The following PDXDC1 variants were observed in gnomAD, a reference collection of about 807,000 sequenced individuals.
The protein encoded by PDXDC1 is pyridoxal-dependent decarboxylase domain-containing protein 1.
A neutral mutation model predicts 100.1 loss-of-function variants in PDXDC1; 42 were observed. That is an observed-to-expected ratio of 0.42 (90% CI 0.33 to 0.54). The LOEUF (loss-of-function observed/expected upper bound fraction) is 0.54, where lower values mean the gene tolerates loss of function less well. Ranked by LOEUF, PDXDC1 falls within the 20% of genes least tolerant of loss-of-function variation. The pLI, the probability that PDXDC1 is intolerant of heterozygous loss-of-function variation, is 0.10. For synonymous variants in PDXDC1, 260 were observed against 371.7 expected (o/e 0.70, Z 3.46); for missense variants, 636 against 979.2 (o/e 0.65, Z 4.68).
rs550554839 is a variant in PDXDC1, at chr16:15,034,158, C to T, written c.1813-128C>T. On this transcript the variant is annotated intron_variant, in intron 19 of 22. Transcript: ENST00000396410. Reference sequence around the variant, plus strand: ...TGTCTTTGAGTTTCTGTTCGTTTTACGCCGGCTTTTCAATGCAGGATTTCA... The same window carrying T: ...TGTCTTTGAGTTTCTGTTCGTTTTATGCCGGCTTTTCAATGCAGGATTTCA... 9.3e-5 allele frequency: 68 copies of T among 732,620 alleles called. 1 individual carries two copies. The highest frequency in any genetic ancestry group is 4.9e-4 in the South Asian group (29 of 59,358). 45.4% of individuals were successfully genotyped at this position (732,620 alleles called of 1,614,324 possible).
rs547858713 is a variant in PDXDC1, at chr16:14,986,818, C to A, written c.22-10935C>A. Reference sequence around the variant, plus strand: ...CTAGAGTGCAGTGGCGCGTTCTTGGCTAACTGCAAGCTCCGCCTCCCAGGT... The same window carrying A: ...CTAGAGTGCAGTGGCGCGTTCTTGGATAACTGCAAGCTCCGCCTCCCAGGT... On this transcript the variant is annotated intron_variant, in intron 1 of 22. Coordinates refer to ENST00000396410, the MANE Select transcript of PDXDC1 (RefSeq NM_015027.4). Among the ~76,000 whole-genome samples, 5 of 152,282 alleles carry A rather than the reference C, an allele frequency of 3.3e-5. No homozygotes were observed. In the South Asian group the frequency reaches 1.0e-3, roughly 31 times the overall value.
intron 8 of PDXDC1, among the ~76,000 whole-genome samples, chr16:15,011,250 T>G (rs2041234435): frequency 6.6e-6 from 1 of 152,308 alleles, no homozygotes; most frequent in Non-Finnish European, 1.5e-5. Flanking sequence ...TAGACTCATG[T>G]GAAGTATATG....
At chr16:15,117,522 T>C (rs1303329423) in intron 16 of PDXDC1, among the ~76,000 whole-genome samples, 2 of 151,390 alleles carry the variant, frequency 1.3e-5, no homozygotes, top group Non-Finnish European at 2.9e-5. Flanking sequence ...CCAGGCGTGG[T>C]GGTCTACTAA....
At chr16:15,024,186 G>A (rs1212157254) in intron 13 of PDXDC1, among the ~76,000 whole-genome samples, 6 of 152,270 alleles carry the variant, frequency 3.9e-5, no homozygotes, top group Admixed American at 3.9e-4. Context: ...TGTTTTTTCA[G>A]TAGAGGATAC....
chr16:15,131,560 T>A (rs976533149), intron 16 of PDXDC1: 2 of 1,609,048 alleles, frequency 1.2e-6, no homozygotes, highest in African/African-American at 2.7e-5. Flanking sequence ...GGGCTCCTCG[T>A]TGAGCACGCG....
chr16:15,002,736 T>C (rs1395211570), intron 4 of PDXDC1, among the ~76,000 whole-genome samples: 1 of 152,192 alleles, frequency 6.6e-6, no homozygotes, highest in Non-Finnish European at 1.5e-5. Flanking sequence ...TTTCCCTCCA[T>C]GGAGTTGCGG....
intron 16 of PDXDC1, chr16:15,060,009 A>C (rs1031043927): frequency 5.7e-6 from 1 of 176,436 alleles, no homozygotes; most frequent in African/African-American, 2.4e-5. Context: ...AAAAAAAAAA[A>C]ACAAAACAGA....
At chr16:15,133,863 C>G (rs1183167658) in intron 16 of PDXDC1, 4 of 1,558,768 alleles carry the variant, frequency 2.6e-6, no homozygotes, top group South Asian at 1.1e-5. Context: ...GCGGCAAGAG[C>G]CCCCCAGCGG....
intron 16 of PDXDC1, among the ~76,000 whole-genome samples, chr16:15,115,452 A>G (rs1224103259): frequency 6.0e-5 from 8 of 132,330 alleles, no homozygotes; most frequent in East Asian, 2.4e-4. Flanking sequence ...TTGCCATGTT[A>G]GCCAGGGTGG....
At chr16:15,098,294 G>A (rs1598054156) in intron 16 of PDXDC1, among the ~76,000 whole-genome samples, 2 of 150,336 alleles carry the variant, frequency 1.3e-5, no homozygotes, top group Middle Eastern at 3.2e-3. Context: ...TCTGCCTCCC[G>A]GGTTCAAGCG....
intron 16 of PDXDC1, chr16:15,093,822 T>C (rs181029729): frequency 1.3e-4 from 53 of 409,480 alleles, no homozygotes; most frequent in African/African-American, 9.1e-4. Context: ...CCCAGGGAAA[T>C]CCCTTCCAAA....
the PDXDC1 span, among the ~76,000 whole-genome samples, chr16:15,148,370 A>ATGTTTTTTT: frequency 2.9e-5 from 1 of 34,120 alleles, no homozygotes; most frequent in Non-Finnish European, 5.1e-5. Context: ...AGATCCTGTG[A>ATGTTTTTTT]TTTTTTTTTT....
At chr16:15,041,030 A>G (rs756686100), downstream of PDXDC1, 33 of 1,438,850 alleles carry the variant, frequency 2.3e-5, no homozygotes, top group Middle Eastern at 1.7e-4. Flanking sequence ...TGCACATGTG[A>G]CCAAGACTCC....
chr16:15,143,956 C>A (rs1486113190), downstream of PDXDC1, among the ~76,000 whole-genome samples: 3 of 152,192 alleles, frequency 2.0e-5, no homozygotes, highest in Admixed American at 6.5e-5. Context: ...GCGCTGGCCG[C>A]CTCACTGGAA....
intron 16 of PDXDC1, chr16:15,094,199 C>G: frequency 6.3e-7 from 1 of 1,599,984 alleles, no homozygotes; most frequent in South Asian, 1.1e-5. Context: ...GGCCGCATCT[C>G]CCGGCAAACG....
chr16:15,031,112 ATTTTTTTTTTTTTT>A (rs771115923), intron 16 of PDXDC1, among the ~76,000 whole-genome samples: 1 of 73,958 alleles, frequency 1.4e-5, no homozygotes, highest in South Asian at 5.9e-4. Flanking sequence ...CACCACATCT[ATTTTTTTTTTTTTT>A]TTTTTTTTTC....
chr16:15,090,001 G>A (rs1367438486), intron 16 of PDXDC1, among the ~76,000 whole-genome samples: 11 of 150,934 alleles, frequency 7.3e-5, no homozygotes. Context: ...CTGAGGTCAG[G>A]AGTTCAAGAC....
At chr16:15,117,422 G>A (rs1172126527) in intron 16 of PDXDC1, among the ~76,000 whole-genome samples, 3 of 147,684 alleles carry the variant, frequency 2.0e-5, no homozygotes, top group Admixed American at 6.8e-5. Flanking sequence ...GCACTGGGAG[G>A]CCGAGGCAGG....
chr16:15,017,689 T>C (rs1388050501), intron 11 of PDXDC1, among the ~76,000 whole-genome samples: 1 of 152,284 alleles, frequency 6.6e-6, no homozygotes, highest in Non-Finnish European at 1.5e-5. Context: ...AGTGAACGTC[T>C]TTCTGTGTTT....
Sources: allele counts gnomAD v4.1 joint callset (sites outside exome capture counted in the v4.1 genomes callset), GRCh38; gene constraint gnomAD v4.1.1; transcripts MANE v1.5; gene names NCBI Gene and HGNC (gene_info 2026-07-23, HGNC 2026-07-21).